SLC2A13: variants seen among roughly 807,000 people sequenced by gnomAD.
SLC2A13 encodes solute carrier family 2 member 13.
A neutral mutation model predicts 64.4 loss-of-function variants in SLC2A13; 32 were observed. The observed-to-expected ratio is 0.50, with a 90% CI of 0.37 to 0.67. The LOEUF (loss-of-function observed/expected upper bound fraction) is 0.67, where lower values mean the gene tolerates loss of function less well. Ranked by LOEUF, SLC2A13 falls within the 30% of genes least tolerant of loss-of-function variation. SLC2A13 has a pLI of 0.00. For synonymous variants in SLC2A13, 338 were observed against 327.1 expected (o/e 1.03, Z -0.36); for missense variants, 743 against 829.2 (o/e 0.90, Z 1.28).
chr12:39,829,376 T>C (rs1592179078), intron 7 of SLC2A13: 1 of 144,826 alleles, frequency 6.9e-6, no homozygotes, highest in Non-Finnish European at 1.5e-5. Context: ...TAAAAGAATG[T>C]AATGTGATAG....
At chr12:39,944,436 G>A (rs572257766) in intron 4 of SLC2A13, among the ~76,000 whole-genome samples, 1 of 152,336 alleles carries the variant, frequency 6.6e-6, no homozygotes, top group South Asian at 2.1e-4. Context: ...AGTGCTGTCA[G>A]TGGAGTACTG....
At chr12:40,084,072 G>A (rs995741260) in intron 1 of SLC2A13, among the ~76,000 whole-genome samples, 7 of 152,170 alleles carry the variant, frequency 4.6e-5, no homozygotes, top group African/African-American at 1.2e-4. Context: ...TAAATGCTCC[G>A]AATATCAGAT....
chr12:39,978,749 G>A (rs1414489963), intron 3 of SLC2A13, among the ~76,000 whole-genome samples: 2 of 152,184 alleles, frequency 1.3e-5, no homozygotes, highest in Non-Finnish European at 2.9e-5. Context: ...CTGGGGGAGA[G>A]GCGCCCGCCA....
At chr12:39,765,296 A>C (rs61931185) in intron 7 of SLC2A13, among the ~76,000 whole-genome samples, 20,354 of 152,020 alleles carry the variant, frequency 0.13, 1,637 homozygotes, top group East Asian at 0.4. Context: ...GTAACCTGTA[A>C]AGGGTGATGG....
chr12:39,864,956 C>A, intron 5 of SLC2A13, 74 bp from the exon 6 acceptor site: 11 of 1,359,400 alleles, frequency 8.1e-6, no homozygotes, highest in South Asian at 3.1e-5. Context: ...TTGGTAAAAA[C>A]AAACCAAAAA....
chr12:39,922,469 ACT>A (rs1945631354), intron 4 of SLC2A13, among the ~76,000 whole-genome samples: 1 of 152,140 alleles, frequency 6.6e-6, no homozygotes, highest in Admixed American at 6.6e-5. Context: ...AAGAACTAAG[ACT>A]CTGTCCTCTA....
At chr12:39,768,105 C>T (rs7302571) in intron 7 of SLC2A13, among the ~76,000 whole-genome samples, 148,013 of 152,216 alleles carry the variant, frequency 0.97, 71,964 homozygotes, top group East Asian at 1. Flanking sequence ...CACCTTGCAA[C>T]AAGGTGTGAA....
At chr12:40,059,953 G>C (rs954222370) in intron 1 of SLC2A13, among the ~76,000 whole-genome samples, 7 of 152,118 alleles carry the variant, frequency 4.6e-5, no homozygotes, top group Non-Finnish European at 8.8e-5. Flanking sequence ...CAGGGAGAGA[G>C]AGATTCTGTT....
At chr12:39,967,218 A>AT (rs1440302286) in intron 3 of SLC2A13, among the ~76,000 whole-genome samples, 1 of 152,228 alleles carries the variant, frequency 6.6e-6, no homozygotes, top group Non-Finnish European at 1.5e-5. Context: ...TTGTTTCTAC[A>AT]TATTTTCATT....
At chr12:40,068,494 G>C (rs1294059587) in intron 1 of SLC2A13, 2 of 271,046 alleles carry the variant, frequency 7.4e-6, no homozygotes, top group African/African-American at 4.6e-5. Context: ...TTCAGAATCT[G>C]CTTGTACCCC....
chr12:39,823,133 A>T (rs1942571757), intron 7 of SLC2A13, among the ~76,000 whole-genome samples: 1 of 152,232 alleles, frequency 6.6e-6, no homozygotes, highest in Admixed American at 6.5e-5. Flanking sequence ...TACTAAAGAG[A>T]ATAATCTACC....
At chr12:40,050,955 G>A (rs1948244309) in intron 1 of SLC2A13, among the ~76,000 whole-genome samples, 1 of 152,108 alleles carries the variant, frequency 6.6e-6, no homozygotes, top group East Asian at 1.9e-4. Context: ...AATTGTGCCT[G>A]GCTTACAGAA....
At chr12:40,040,742 C>A (rs1300986125) in intron 2 of SLC2A13, among the ~76,000 whole-genome samples, 1 of 152,128 alleles carries the variant, frequency 6.6e-6, no homozygotes. Context: ...CATGTGTTAT[C>A]TAAATCTATC....
intron 4 of SLC2A13, among the ~76,000 whole-genome samples, chr12:39,911,381 C>T (rs534715781): frequency 8.9e-4 from 135 of 152,088 alleles, no homozygotes; most frequent in Admixed American, 1.6e-3. Context: ...CTAAATGTAA[C>T]GATTGTTTTT....
intron 3 of SLC2A13, among the ~76,000 whole-genome samples, chr12:39,998,025 T>G (rs916635425): frequency 1.1e-4 from 17 of 152,150 alleles, no homozygotes; most frequent in African/African-American, 3.9e-4. Flanking sequence ...ACTGGATATA[T>G]ACCCAGAAGA....
At position 39,962,333 on chromosome 12, in the gene SLC2A13, C is replaced by T. The variant is rs143107959; in HGVS notation, c.926-10968G>A. 3.1e-3 allele frequency among the ~76,000 whole-genome samples: 469 copies of T among 152,320 alleles called. 1 individual carries two copies. The highest frequency in any genetic ancestry group is 5.5e-3 in the Non-Finnish European group (374 of 68,024). ...TTCAAACTCCTAACCTCAGGTGATA[C>T]GCCCACCTTGGCCTCCCAGTGTGCT... is the stretch of plus-strand genomic sequence containing the variant. On this transcript the variant is annotated intron_variant, in intron 3 of 9. Coordinates refer to ENST00000280871, the MANE Select transcript of SLC2A13 (RefSeq NM_052885.4).
intron 4 of SLC2A13, among the ~76,000 whole-genome samples, chr12:39,932,744 A>G (rs908097078): frequency 1.2e-4 from 19 of 152,212 alleles, no homozygotes; most frequent in African/African-American, 4.6e-4. Context: ...ACAATGAGAT[A>G]CAGAGGAAGA....
chr12:39,841,077 T>C (rs1400174859), intron 6 of SLC2A13, among the ~76,000 whole-genome samples: 2 of 151,664 alleles, frequency 1.3e-5, no homozygotes, highest in African/African-American at 2.4e-5. Context: ...TGTAAAAGAG[T>C]CATATTTCTC....
At chr12:39,963,226 G>C (rs995221623) in intron 3 of SLC2A13, among the ~76,000 whole-genome samples, 6 of 145,520 alleles carry the variant, frequency 4.1e-5, no homozygotes, top group African/African-American at 1.5e-4. Context: ...GGTGGAGCTT[G>C]CAGTGAGCCG....
Sources: allele counts gnomAD v4.1 joint callset (sites outside exome capture counted in the v4.1 genomes callset), GRCh38; gene constraint gnomAD v4.1.1; transcripts MANE v1.5; gene names NCBI Gene and HGNC (gene_info 2026-07-23, HGNC 2026-07-21).